SLCO6A1: variants seen among roughly 807,000 people sequenced by gnomAD.
The protein encoded by SLCO6A1 is cancer/testis antigen 48.
In SLCO6A1, 65 loss-of-function variants were observed where a neutral mutation model predicts 72.7. The observed-to-expected ratio is 0.89, with a 90% CI of 0.73 to 1.10. The LOEUF is 1.10. Among genes scored for constraint, SLCO6A1 ranks in the 50% least tolerant of loss-of-function variants. The pLI, the probability that SLCO6A1 is intolerant of heterozygous loss-of-function variation, is 0.00. For missense variants in SLCO6A1, 874 were observed against 872.6 expected (o/e 1.00, Z -0.02); for synonymous variants, 314 against 298.2 (o/e 1.05, Z -0.55).
chr5:102,421,766 C>G (rs1039377505), intron 7 of SLCO6A1, among the ~76,000 whole-genome samples: 2 of 152,196 alleles, frequency 1.3e-5, no homozygotes, highest in Admixed American at 1.3e-4. Flanking sequence ...AATGCTCGAG[C>G]TCTGCTAAGG....
intron 4 of SLCO6A1, among the ~76,000 whole-genome samples, chr5:102,473,024 C>T (rs1015751751): frequency 2.0e-5 from 3 of 151,982 alleles, no homozygotes; most frequent in Admixed American, 6.6e-5. Context: ...GGCCAGATAG[C>T]TTCACTGGAG....
At chr5:102,394,204 G>A (rs1346395334) in intron 10 of SLCO6A1, among the ~76,000 whole-genome samples, 1 of 152,086 alleles carries the variant, frequency 6.6e-6, no homozygotes, top group East Asian at 1.9e-4. Flanking sequence ...TCCTCTATAT[G>A]AGCATTGACC....
At chr5:102,490,366 T>C (rs889439147) in intron 1 of SLCO6A1, among the ~76,000 whole-genome samples, 2 of 152,238 alleles carry the variant, frequency 1.3e-5, no homozygotes, top group Non-Finnish European at 2.9e-5. Context: ...CCCATATGTA[T>C]GTACAATTAT....
At chr5:102,423,929 G>T (rs1748747873) in intron 7 of SLCO6A1, among the ~76,000 whole-genome samples, 1 of 152,176 alleles carries the variant, frequency 6.6e-6, no homozygotes, top group South Asian at 2.1e-4. Context: ...CAGTCTCTCA[G>T]ACCAAAGTGC....
At chr5:102,407,958 G>T (rs904374472) in intron 9 of SLCO6A1, among the ~76,000 whole-genome samples, 1 of 152,076 alleles carries the variant, frequency 6.6e-6, no homozygotes, top group African/African-American at 2.4e-5. Flanking sequence ...GGCATGTCTG[G>T]ATTGCTGACC....
At chr5:102,494,832 T>C (rs1328848127) in intron 1 of SLCO6A1, among the ~76,000 whole-genome samples, 1 of 152,226 alleles carries the variant, frequency 6.6e-6, no homozygotes. Flanking sequence ...CTTTGTAATT[T>C]GGCAGTTTCT....
At chr5:102,463,174 A>G (rs554489218) in intron 4 of SLCO6A1, among the ~76,000 whole-genome samples, 11 of 152,312 alleles carry the variant, frequency 7.2e-5, no homozygotes, top group African/African-American at 2.6e-4. Flanking sequence ...AAAATGCTCA[A>G]TATCACTGAT....
chr5:102,412,752 T>C lies in SLCO6A1; in HGVS notation c.1626+238A>G, dbSNP rs974133. Among the ~76,000 whole-genome samples, 97,603 of 150,810 alleles carry C rather than the reference T, an allele frequency of 0.65. 31,791 individuals carry two copies. The highest frequency in any genetic ancestry group is 0.67 in the African/African-American group (27,329 of 41,058). ...CTCCAGCCTGGGTGACAGAGTCAGA[T>C]CTTGTCTCAAAAAATAAACACACAC... On this transcript the variant is annotated intron_variant, in intron 9 of 13. Transcript: ENST00000506729.
intron 9 of SLCO6A1, among the ~76,000 whole-genome samples, chr5:102,406,882 TA>T (rs1464093440): frequency 6.6e-6 from 1 of 152,142 alleles, no homozygotes; most frequent in Non-Finnish European, 1.5e-5. Flanking sequence ...TATCTATACT[TA>T]AATAAACAGA....
intron 6 of SLCO6A1, among the ~76,000 whole-genome samples, chr5:102,450,935 C>T (rs1420832349): frequency 6.6e-6 from 1 of 152,154 alleles, no homozygotes; most frequent in Admixed American, 6.5e-5. Context: ...ACCGTGGTAC[C>T]ACTACAGCAG....
intron 12 of SLCO6A1, among the ~76,000 whole-genome samples, chr5:102,383,199 C>A (rs1746222805): frequency 6.7e-6 from 1 of 149,918 alleles, no homozygotes; most frequent in Non-Finnish European, 1.5e-5. Flanking sequence ...TTTCCTTTTT[C>A]TTGCCTAATT....
chr5:102,494,945 C>T (rs1752842168), intron 1 of SLCO6A1, among the ~76,000 whole-genome samples: 1 of 152,090 alleles, frequency 6.6e-6, no homozygotes, highest in African/African-American at 2.4e-5. Flanking sequence ...ATATGCAATT[C>T]CTCTTAACAG....
intron 4 of SLCO6A1, among the ~76,000 whole-genome samples, chr5:102,472,284 G>A (rs1175006945): frequency 3.9e-5 from 6 of 152,200 alleles, no homozygotes; most frequent in Non-Finnish European, 7.4e-5. Flanking sequence ...TTACCAAAAC[G>A]TTATACTAGC....
At chr5:102,495,911 G>T (rs186341774) in intron 1 of SLCO6A1, among the ~76,000 whole-genome samples, 84 of 152,226 alleles carry the variant, frequency 5.5e-4, no homozygotes, top group African/African-American at 1.9e-3. Context: ...GAAACAAGAA[G>T]AAAGTATGAG....
At chr5:102,495,511 C>T (rs891608481) in intron 1 of SLCO6A1, among the ~76,000 whole-genome samples, 22 of 152,214 alleles carry the variant, frequency 1.4e-4, no homozygotes, top group Admixed American at 1.0e-3. Context: ...AGGAGAATCA[C>T]TTGTACCAAG....
intron 4 of SLCO6A1, among the ~76,000 whole-genome samples, chr5:102,472,596 G>T (rs920497747): frequency 2.6e-5 from 4 of 151,958 alleles, no homozygotes. Flanking sequence ...ATATATTTAT[G>T]TAACTGTAGA....
At chr5:102,384,910 G>A (rs1746321884) in intron 12 of SLCO6A1, among the ~76,000 whole-genome samples, 1 of 152,110 alleles carries the variant, frequency 6.6e-6, no homozygotes, top group Non-Finnish European at 1.5e-5. Flanking sequence ...CAAAAAAGCA[G>A]AGATTTATTA....
At chr5:102,432,212 T>G (rs924949067) in intron 7 of SLCO6A1, among the ~76,000 whole-genome samples, 1 of 152,190 alleles carries the variant, frequency 6.6e-6, no homozygotes, top group African/African-American at 2.4e-5. Flanking sequence ...TGTCTTTTCA[T>G]TGGGGCATTT....
intron 12 of SLCO6A1, among the ~76,000 whole-genome samples, chr5:102,379,592 T>C (rs1745997254): frequency 6.6e-6 from 1 of 152,136 alleles, no homozygotes; most frequent in South Asian, 2.1e-4. Context: ...ATTTTTCTAT[T>C]CTGTTCCATT....
Sources: gnomAD v4.1 joint callset for allele counts (sites outside exome capture counted in the v4.1 genomes callset) on GRCh38, gnomAD v4.1.1 for gene constraint, MANE v1.5 for transcripts, NCBI Gene and HGNC (gene_info 2026-07-23, HGNC 2026-07-21) for gene names.